Variants in VWC2L observed in about 807,000 individuals in gnomAD.
VWC2L encodes the protein von Willebrand factor C domain-containing protein 2-like.
A neutral mutation model predicts 21.6 loss-of-function variants in VWC2L; 10 were observed. That is an observed-to-expected ratio of 0.46 (90% CI 0.29 to 0.78). VWC2L has a LOEUF of 0.78. Ranked by LOEUF, VWC2L falls within the 30% of genes least tolerant of loss-of-function variation. VWC2L has a pLI of 0.10. For missense variants in VWC2L, 209 were observed against 277.1 expected (o/e 0.75, Z 1.74); for synonymous variants, 96 against 94.3 (o/e 1.02, Z -0.10).
At chr2:214,488,475 T>C (rs1266257108) in intron 3 of VWC2L, among the ~76,000 whole-genome samples, 6 of 152,066 alleles carry the variant, frequency 3.9e-5, no homozygotes, top group Non-Finnish European at 7.4e-5. Context: ...GGTGTACACA[T>C]GTAATTCCAG....
At chr2:214,482,822 T>G (rs1002539179) in intron 3 of VWC2L, among the ~76,000 whole-genome samples, 1 of 152,076 alleles carries the variant, frequency 6.6e-6, no homozygotes, top group Non-Finnish European at 1.5e-5. Flanking sequence ...GATAGCCAGT[T>G]TGATGTTTGA....
chr2:214,459,464 C>G (rs1703107302), intron 3 of VWC2L, among the ~76,000 whole-genome samples: 1 of 152,184 alleles, frequency 6.6e-6, no homozygotes, highest in Admixed American at 6.5e-5. Flanking sequence ...TTGTTCCTTT[C>G]TTCCCTCTTA....
At chr2:214,554,191 C>G (rs1689839421) in intron 3 of VWC2L, among the ~76,000 whole-genome samples, 1 of 152,114 alleles carries the variant, frequency 6.6e-6, no homozygotes, top group Non-Finnish European at 1.5e-5. Context: ...CAGTTAAGTC[C>G]CCTGTACATT....
intron 3 of VWC2L, among the ~76,000 whole-genome samples, chr2:214,505,378 A>T (rs1688953643): frequency 6.6e-6 from 1 of 152,214 alleles, no homozygotes; most frequent in Non-Finnish European, 1.5e-5. Flanking sequence ...ACTCCCCTGT[A>T]CTACTCTATA....
Position 214,578,723 on chromosome 2 carries a change from C to T in VWC2L, c.*2903C>T, listed in dbSNP as rs985017953. 4.6e-5 allele frequency: 7 copies of T among 152,110 alleles called. No homozygotes were observed. Among genetic ancestry groups the T allele is most frequent in the African/African-American group, 1.4e-4 (6 of 41,524 alleles). 9.4% of individuals were successfully genotyped at this position (152,110 alleles called of 1,614,324 possible). A position where few individuals can be genotyped will look rare whatever the true frequency, so the allele number is the denominator to read the frequency against. On this transcript the variant is annotated 3_prime_UTR_variant, in exon 4 of 4. Coordinates refer to ENST00000312504, the MANE Select transcript of VWC2L (RefSeq NM_001080500.4). ...CATCTCTGTACTCCTATTTCTCCTC[C>T]GCCTTTGGTTCTCGGCTTTAACAAC...
At chr2:214,487,914 AG>A (rs1200375103) in intron 3 of VWC2L, among the ~76,000 whole-genome samples, 2 of 152,224 alleles carry the variant, frequency 1.3e-5, no homozygotes, top group African/African-American at 4.8e-5. Context: ...CCAAACAGTC[AG>A]GTCTCACAGA....
intron 3 of VWC2L, among the ~76,000 whole-genome samples, chr2:214,531,253 T>C (rs1050116991): frequency 6.6e-6 from 1 of 152,184 alleles, no homozygotes; most frequent in African/African-American, 2.4e-5. Flanking sequence ...GTAGGACTTT[T>C]GACGAGTAAA....
At chr2:214,463,984 T>C (rs1703180465) in intron 3 of VWC2L, among the ~76,000 whole-genome samples, 1 of 152,108 alleles carries the variant, frequency 6.6e-6, no homozygotes, top group South Asian at 2.1e-4. Context: ...GCTTCAAAAT[T>C]TCTGCTTGGT....
chr2:214,495,026 G>A (rs533144072), intron 3 of VWC2L, among the ~76,000 whole-genome samples: 8 of 152,148 alleles, frequency 5.3e-5, no homozygotes, highest in Non-Finnish European at 1.2e-4. Flanking sequence ...CTTTCGAAGT[G>A]TCTGGTTTAT....
chr2:214,454,763 C>T (rs945822869), intron 3 of VWC2L, among the ~76,000 whole-genome samples: 2 of 151,376 alleles, frequency 1.3e-5, no homozygotes, highest in South Asian at 2.1e-4. Flanking sequence ...CCACCACGCC[C>T]GGCTAATTTT....
At chr2:214,569,612 A>G (rs1010245381) in intron 3 of VWC2L, among the ~76,000 whole-genome samples, 3 of 152,210 alleles carry the variant, frequency 2.0e-5, no homozygotes, top group Admixed American at 1.3e-4. Flanking sequence ...GCTCCAGTAC[A>G]TAACTGTCCC....
In VWC2L at chr2:214,560,968, C is replaced by T. The variant is rs151191549; in HGVS notation, c.521-14704C>T. ...TTCTTGTAGCATGCTGAATTCATTGCCTTTTGGATAAGCTCCATATATTTT... is the reference window on the plus strand; with the variant it reads ...TTCTTGTAGCATGCTGAATTCATTGTCTTTTGGATAAGCTCCATATATTTT... On this transcript the variant is annotated intron_variant, in intron 3 of 3. Coordinates refer to ENST00000312504, the MANE Select transcript of VWC2L (RefSeq NM_001080500.4). Among the ~76,000 whole-genome samples the T allele has an allele frequency of 1.6e-4, 25 of 152,318 alleles. No individual in the cohort carries two copies. The East Asian group carries it at 4.4e-3, about 27-fold the overall frequency.
At chr2:214,448,148 G>C (rs1329094291) in intron 3 of VWC2L, among the ~76,000 whole-genome samples, 1 of 152,006 alleles carries the variant, frequency 6.6e-6, no homozygotes, top group Admixed American at 6.6e-5. Context: ...TGACTTACTG[G>C]TCTCCCCTCC....
intron 3 of VWC2L, among the ~76,000 whole-genome samples, chr2:214,520,058 TACACACAC>T (rs60850327): frequency 7.0e-5 from 10 of 143,248 alleles, no homozygotes; most frequent in Middle Eastern, 3.7e-3. Context: ...GCTCCTGTTA[TACACACAC>T]ACACACACAC....
chr2:214,544,572 T>C (rs1433621576), intron 3 of VWC2L, among the ~76,000 whole-genome samples: 1 of 152,198 alleles, frequency 6.6e-6, no homozygotes, highest in Non-Finnish European at 1.5e-5. Flanking sequence ...ATCCTCATTA[T>C]AGGATGGAGA....
rs554961140 is a variant in VWC2L at position 214,509,243 on chromosome 2, G to T, written c.521-66429G>T. 5.9e-5 allele frequency among the ~76,000 whole-genome samples: 9 copies of T among 152,238 alleles called. No individual in the cohort carries two copies. In the East Asian group the frequency reaches 1.3e-3, roughly 23 times the overall value. The stretch of plus-strand genomic sequence containing the variant: ...TTTTCCTAACGTATGTATTACCTTT[G>T]ACTGTACATTCATGTTTAAACATGA... On this transcript the variant is annotated intron_variant, in intron 3 of 3. Coordinates refer to ENST00000312504, the MANE Select transcript of VWC2L (RefSeq NM_001080500.4).
chr2:214,418,303 A>G (rs1702386065), intron 2 of VWC2L, among the ~76,000 whole-genome samples: 1 of 152,212 alleles, frequency 6.6e-6, no homozygotes, highest in South Asian at 2.1e-4. Flanking sequence ...CACTGTGAGA[A>G]TTATACTTTT....
At chr2:214,458,280 G>A (rs1703086704) in intron 3 of VWC2L, among the ~76,000 whole-genome samples, 1 of 151,806 alleles carries the variant, frequency 6.6e-6, no homozygotes, top group Non-Finnish European at 1.5e-5. Context: ...CAGTTGTAAT[G>A]TTTCCTTTTT....
At chr2:214,489,814 T>C (rs1688721249) in intron 3 of VWC2L, among the ~76,000 whole-genome samples, 2 of 152,198 alleles carry the variant, frequency 1.3e-5, no homozygotes, top group African/African-American at 4.8e-5. Flanking sequence ...CTGCTCCAGT[T>C]AGTTATTTAG....
Sources: gnomAD v4.1 joint callset for allele counts (sites outside exome capture counted in the v4.1 genomes callset) on GRCh38, gnomAD v4.1.1 for gene constraint, MANE v1.5 for transcripts, NCBI Gene and HGNC (gene_info 2026-07-23, HGNC 2026-07-21) for gene names.